Variants in CTBS observed in about 807,000 individuals in gnomAD.
CTBS encodes the protein di-N-acetylchitobiase.
Under a neutral mutation model 44.3 loss-of-function variants are expected in CTBS, and 35 were observed. That is an observed-to-expected ratio of 0.79 (90% CI 0.60 to 1.05). The LOEUF (loss-of-function observed/expected upper bound fraction) is 1.05, where lower values mean the gene tolerates loss of function less well. Ranked by LOEUF, CTBS falls within the 50% of genes least tolerant of loss-of-function variation. The pLI is 0.00. For synonymous variants in CTBS, 143 were observed against 168.0 expected (o/e 0.85, Z 1.15); for missense variants, 458 against 475.3 (o/e 0.96, Z 0.34).
chr1:84,560,961 TGAA>T (rs1347273429), intron 6 of CTBS, among the ~76,000 whole-genome samples: 1 of 152,228 alleles, frequency 6.6e-6, no homozygotes, highest in East Asian at 1.9e-4. Context: ...GAACACAAGA[TGAA>T]TGTTATTTTC....
chr1:84,553,484 AT>A lies in CTBS; in HGVS notation c.*1514del, dbSNP rs1411257511. 1 of 152,264 alleles carries A rather than the reference AT, an allele frequency of 6.6e-6. No homozygotes were observed. 9.4% of individuals were successfully genotyped at this position (152,264 alleles called of 1,614,324 possible). A position where few individuals can be genotyped will look rare whatever the true frequency, so the allele number is the denominator to read the frequency against. On this transcript the variant is annotated 3_prime_UTR_variant, in exon 7 of 7. Coordinates refer to ENST00000370630, the MANE Select transcript of CTBS (RefSeq NM_004388.3). ...AATGTATATTAATGAATACTAATATATTTGCATGAAAATACAGACTTCATTT... is the reference window on the plus strand; with the variant it reads ...AATGTATATTAATGAATACTAATATATTGCATGAAAATACAGACTTCATTT...
At chr1:84,560,545 T>C (rs189098514) in intron 6 of CTBS, among the ~76,000 whole-genome samples, 2 of 152,372 alleles carry the variant, frequency 1.3e-5, no homozygotes, top group East Asian at 3.9e-4. Flanking sequence ...GGTAAAATTA[T>C]GATCAAACAC....
At chr1:84,570,795 A>C in intron 1 of CTBS, 75 bp from the exon 2 acceptor site, 3 of 1,398,260 alleles carry the variant, frequency 2.1e-6, no homozygotes, top group Non-Finnish European at 3.0e-6. Context: ...CGTTCATCAA[A>C]CATCACCATA....
Position 84,574,327 on chromosome 1 carries a change from A to T in CTBS, c.89T>A (p.Leu30Gln), listed in dbSNP as rs1480951975. The change falls in exon 1 of 7, where the codon CTG (leucine) becomes CAG (glutamine). Residue 30 changes from leucine (L) to glutamine (Q), a missense_variant. Transcript: ENST00000370630. ...PGLALLALLA[L>Q]LALRLAAGTD... ...CCCGGCCGCGAGCCGCAGCGCCAGCAGCGCCAGCAGCGCCAGCAGCGCTAG... is the reference window on the plus strand; with the variant it reads ...CCCGGCCGCGAGCCGCAGCGCCAGCTGCGCCAGCAGCGCCAGCAGCGCTAG... 6.4e-7 allele frequency: 1 copy of T among 1,563,086 alleles called. No homozygotes were observed. The highest frequency in any genetic ancestry group is 8.7e-7 in the Non-Finnish European group (1 of 1,154,360).
At position 84,550,457 on chromosome 1, in the gene CTBS, A is replaced by G; in HGVS notation, c.*4542T>C. Reference sequence around the variant, plus strand: ...AATTACCTAATAATCCAGATCACTGAGGTACAGCATGCAATTGACCAGCTT... The same window carrying G: ...AATTACCTAATAATCCAGATCACTGGGGTACAGCATGCAATTGACCAGCTT... On this transcript the variant is annotated 3_prime_UTR_variant, in exon 7 of 7. Transcript: ENST00000370630. 1 of 1,560,734 alleles carries G rather than the reference A, an allele frequency of 6.4e-7. No homozygotes were observed. Among genetic ancestry groups the G allele is most frequent in the Non-Finnish European group, 8.7e-7 (1 of 1,151,434 alleles).
In CTBS at chr1:84,563,726, T is replaced by A. The variant is rs776311837; in HGVS notation, c.795+9A>T. 4.0e-6 allele frequency: 6 copies of A among 1,501,106 alleles called. No homozygotes were observed. In the East Asian group the frequency reaches 1.4e-4, roughly 35 times the overall value. 93.0% of individuals were successfully genotyped at this position (1,501,106 alleles called of 1,614,324 possible). ...TAATAAAAATTATGTAACAAATGACTGTTCCTACCTCAGACAGATTCAGGC... is the reference window on the plus strand; with the variant it reads ...TAATAAAAATTATGTAACAAATGACAGTTCCTACCTCAGACAGATTCAGGC... On this transcript the variant is annotated intron_variant, in intron 5 of 6. Coordinates refer to ENST00000370630, the MANE Select transcript of CTBS (RefSeq NM_004388.3).
chr1:84,565,181 G>A (rs1163171946), intron 4 of CTBS, among the ~76,000 whole-genome samples: 1 of 151,866 alleles, frequency 6.6e-6, no homozygotes, highest in Non-Finnish European at 1.5e-5. Flanking sequence ...CCTGGGTGAT[G>A]GAGTGAGACC....
chr1:84,557,857 CAAAA>C (rs375521066), intron 6 of CTBS, among the ~76,000 whole-genome samples: 3 of 117,848 alleles, frequency 2.5e-5, no homozygotes. Context: ...GACTCCATCT[CAAAA>C]AAAAAAAAAA....
chr1:84,557,651 C>G (rs1211505451), intron 6 of CTBS, among the ~76,000 whole-genome samples: 1 of 150,548 alleles, frequency 6.6e-6, no homozygotes, highest in Non-Finnish European at 1.5e-5. Context: ...GTCAGGAGAT[C>G]GAGACCATCC....
chr1:84,552,683 CTTG>C lies in CTBS; in HGVS notation c.*2313_*2315del, dbSNP rs1013338860. The C allele has an allele frequency of 3.0e-5, 5 of 167,640 alleles. No homozygotes were observed. The highest frequency in any genetic ancestry group is 1.2e-4 in the African/African-American group (5 of 41,884). The allele number at this position is 167,640 out of a possible 1,614,324, so 10.4% of individuals were successfully genotyped here. ...AAGGGTTTTTTTTGTATTTTGTTTT[CTTG>C]TTGTTTTCACTATTTTCTTTACACA... On this transcript the variant is annotated 3_prime_UTR_variant, in exon 7 of 7. Transcript: ENST00000370630.
intron 3 of CTBS, among the ~76,000 whole-genome samples, chr1:84,566,814 T>C (rs1423770862): frequency 6.6e-6 from 1 of 152,100 alleles, no homozygotes; most frequent in Non-Finnish European, 1.5e-5. Context: ...TTTGTATTTT[T>C]AGTAGAGACA....
chr1:84,551,374 TAAATAA>T lies in CTBS; in HGVS notation c.*3619_*3624del, dbSNP rs1039213770. The T allele has an allele frequency of 1.3e-6, 1 of 753,286 alleles. No individual in the cohort carries two copies. Among genetic ancestry groups the T allele is most frequent in the African/African-American group, 2.1e-5 (1 of 47,120 alleles). 46.7% of individuals were successfully genotyped at this position (753,286 alleles called of 1,614,324 possible). A position where few individuals can be genotyped will look rare whatever the true frequency, so the allele number is the denominator to read the frequency against. On this transcript the variant is annotated 3_prime_UTR_variant, in exon 7 of 7. Transcript: ENST00000370630. ...CCTCGGTTTCAGATAAAAATAAAAA[TAAATAA>T]AATTTAAAAATAAAAAAATAGAATT...
At chr1:84,560,085 A>G (rs1313146672) in intron 6 of CTBS, among the ~76,000 whole-genome samples, 1 of 54,100 alleles carries the variant, frequency 1.8e-5, no homozygotes, top group Non-Finnish European at 3.4e-5. Flanking sequence ...CTCTGTCTCA[A>G]AAAAAAAAAA....
intron 3 of CTBS, among the ~76,000 whole-genome samples, chr1:84,569,176 A>C (rs1647218017): frequency 6.6e-6 from 1 of 152,214 alleles, no homozygotes; most frequent in Admixed American, 6.5e-5. Context: ...CTCATTGTCT[A>C]GCCTATTACT....
At chr1:84,558,552 A>G (rs1000130325) in intron 6 of CTBS, among the ~76,000 whole-genome samples, 4 of 150,502 alleles carry the variant, frequency 2.7e-5, no homozygotes, top group African/African-American at 9.8e-5. Flanking sequence ...CAGCCTCCCA[A>G]AGTGCTGGGA....
At chr1:84,556,937 G>A (rs1163232500) in intron 6 of CTBS, among the ~76,000 whole-genome samples, 1 of 152,110 alleles carries the variant, frequency 6.6e-6, no homozygotes, top group African/African-American at 2.4e-5. Flanking sequence ...ACTTAAATAT[G>A]ACAGATTATT....
chr1:84,573,063 T>C (rs1647361079), intron 1 of CTBS, among the ~76,000 whole-genome samples: 1 of 152,198 alleles, frequency 6.6e-6, no homozygotes, highest in South Asian at 2.1e-4. Context: ...AACATTTTAA[T>C]TGGGAGGCCA....
chr1:84,573,840 C>T (rs1558634204), intron 1 of CTBS: 9 of 1,035,100 alleles, frequency 8.7e-6, no homozygotes, highest in Non-Finnish European at 9.3e-6. Flanking sequence ...ACTCTGCATT[C>T]TAATGTACTG....
chr1:84,553,035 A>T lies in CTBS; in HGVS notation c.*1964T>A. 1 of 1,512,856 alleles carries T rather than the reference A, an allele frequency of 6.6e-7. No individual in the cohort carries two copies. The highest frequency in any genetic ancestry group is 8.9e-7 in the Non-Finnish European group (1 of 1,129,200). 93.7% of individuals were successfully genotyped at this position (1,512,856 alleles called of 1,614,324 possible). A position where few individuals can be genotyped will look rare whatever the true frequency, so the allele number is the denominator to read the frequency against. ...TTTTGAAAAGTAATTCTTTTTATAG[A>T]TGAGAAAACAAGCAGTTTCAGATTT... is the stretch of plus-strand genomic sequence containing the variant. On this transcript the variant is annotated 3_prime_UTR_variant, in exon 7 of 7. Transcript: ENST00000370630.
Sources: gnomAD v4.1 joint callset for allele counts (sites outside exome capture counted in the v4.1 genomes callset) on GRCh38, gnomAD v4.1.1 for gene constraint, MANE v1.5 for transcripts, NCBI Gene and HGNC (gene_info 2026-07-23, HGNC 2026-07-21) for gene names.